Variants in NFIB observed in about 807,000 individuals in gnomAD.
NFIB encodes nuclear factor I B.
In NFIB, 11 loss-of-function variants were observed where a neutral mutation model predicts 61.5. That is an observed-to-expected ratio of 0.18 (90% CI 0.11 to 0.30). NFIB has a LOEUF of 0.30. NFIB is among the 10% of genes least tolerant of loss of function. The pLI, the probability that NFIB is intolerant of heterozygous loss-of-function variation, is 1.00. For missense variants in NFIB, 471 were observed against 608.9 expected, an observed-to-expected ratio of 0.77 and a Z score of 2.38; for synonymous variants, 260 against 216.5, an observed-to-expected ratio of 1.20 and a Z score of -1.76.
At chr9:14,225,078 C>T (rs775604298) in intron 2 of NFIB, among the ~76,000 whole-genome samples, 1 of 152,194 alleles carries the variant, frequency 6.6e-6, no homozygotes, top group East Asian at 1.9e-4. Flanking sequence ...CTCTGCATTT[C>T]CCCACCTCCC....
At chr9:14,401,212 C>T (rs1422987567), upstream of NFIB, among the ~76,000 whole-genome samples, 2 of 152,318 alleles carry the variant, frequency 1.3e-5, no homozygotes, top group East Asian at 3.9e-4. Flanking sequence ...CAATAGCTTT[C>T]AGCAGTACCA....
chr9:14,278,344 G>T (rs192347695), intron 2 of NFIB, among the ~76,000 whole-genome samples: 2 of 152,208 alleles, frequency 1.3e-5, no homozygotes, highest in Non-Finnish European at 2.9e-5. Context: ...TAATTGAGTC[G>T]TGCGAAGCTA....
chr9:14,323,055 G>T (rs535939456), intron 1 of NFIB, among the ~76,000 whole-genome samples: 1 of 152,376 alleles, frequency 6.6e-6, no homozygotes, highest in South Asian at 2.1e-4. Flanking sequence ...TTCCCGCCAC[G>T]TTGCTGGCTT....
rs568505932 is a variant in NFIB at position 14,179,934 on chromosome 9, T to A, written c.563-154A>T. Among the ~76,000 whole-genome samples, 3 of 152,340 alleles carry A rather than the reference T, an allele frequency of 2.0e-5. No individual in the cohort carries two copies. The East Asian group carries it at 5.8e-4, about 29-fold the overall frequency. ...TCCCAAGACTTTTGATAGAAACATTTTACTCATCAAACTACATGAATGCAT... is the reference window on the plus strand; with the variant it reads ...TCCCAAGACTTTTGATAGAAACATTATACTCATCAAACTACATGAATGCAT... On this transcript the variant is annotated intron_variant, in intron 2 of 10. Transcript: ENST00000380953.
intron 2 of NFIB, chr9:14,180,533 A>C (rs1270951332): frequency 6.6e-6 from 1 of 152,262 alleles, no homozygotes; most frequent in Non-Finnish European, 1.5e-5. Context: ...CGTGGAAGAC[A>C]TACAACTGTT....
chr9:14,412,806 G>A, the NFIB span, among the ~76,000 whole-genome samples: 2 of 152,178 alleles, frequency 1.3e-5, no homozygotes, highest in Admixed American at 6.5e-5. Context: ...AAAAGTAGGG[G>A]TGGGGTATGG....
At chr9:14,137,230 G>C (rs1199967574) in intron 6 of NFIB, among the ~76,000 whole-genome samples, 1 of 152,286 alleles carries the variant, frequency 6.6e-6, no homozygotes, top group East Asian at 1.9e-4. Flanking sequence ...ACAAGGTTCT[G>C]TTATAATAAC....
intron 6 of NFIB, among the ~76,000 whole-genome samples, chr9:14,134,916 A>AAAAAAAAG: frequency 6.6e-6 from 1 of 151,156 alleles, no homozygotes; most frequent in East Asian, 1.9e-4. Context: ...AAAAAAAAAA[A>AAAAAAAAG]AAAAGGAAAT....
intron 2 of NFIB, among the ~76,000 whole-genome samples, chr9:14,279,489 T>C (rs939436869): frequency 6.6e-6 from 1 of 152,098 alleles, no homozygotes; most frequent in Admixed American, 6.5e-5. Flanking sequence ...ATCAGACTGC[T>C]CCATAGAGAA....
At chr9:14,184,242 T>C (rs1390592634) in intron 2 of NFIB, among the ~76,000 whole-genome samples, 1 of 152,198 alleles carries the variant, frequency 6.6e-6, no homozygotes, top group African/African-American at 2.4e-5. Context: ...TCAGACACAA[T>C]ACTTCTTGAA....
At chr9:14,417,417 T>G in the NFIB span, among the ~76,000 whole-genome samples, 4 of 152,196 alleles carry the variant, frequency 2.6e-5, no homozygotes, top group Admixed American at 1.3e-4. Flanking sequence ...CACACGATAA[T>G]GAAATTGCCT....
At chr9:14,335,464 G>A (rs939190786) in intron 1 of NFIB, among the ~76,000 whole-genome samples, 3 of 152,138 alleles carry the variant, frequency 2.0e-5, no homozygotes, top group African/African-American at 7.2e-5. Context: ...CTCTTTATGT[G>A]CTTACTTGCC....
the NFIB span, among the ~76,000 whole-genome samples, chr9:14,430,151 G>C: frequency 2.0e-5 from 3 of 152,188 alleles, no homozygotes; most frequent in African/African-American, 7.2e-5. Context: ...TTTAGGTAAA[G>C]CCATAAGCTT....
chr9:14,421,388 G>T, the NFIB span, among the ~76,000 whole-genome samples: 2 of 152,170 alleles, frequency 1.3e-5, no homozygotes, highest in African/African-American at 4.8e-5. Flanking sequence ...AGGGCTAAAA[G>T]CCCTAAGATC....
chr9:14,376,583 C>T lies in NFIB; in HGVS notation c.108+21941G>A, dbSNP rs190149176. On this transcript the variant is annotated intron_variant, in intron 1 of 8. Transcript: ENST00000380934. ...TCAGGGTGGAGTGCAGTGGCATGAT[C>T]TCTGCTCATTGCAACCTCCGCCTCC... Among the ~76,000 whole-genome samples the T allele has an allele frequency of 1.0e-3, 150 of 148,524 alleles. 2 individuals carry two copies. The highest frequency in any genetic ancestry group is 9.1e-3 in the Admixed American group (135 of 14,800).
chr9:14,231,083 G>A (rs1271669312), intron 2 of NFIB, among the ~76,000 whole-genome samples: 7 of 134,872 alleles, frequency 5.2e-5, no homozygotes, highest in African/African-American at 2.0e-4. Flanking sequence ...AATACAACAG[G>A]GATATCTGAG....
chr9:14,402,438 T>G (rs1381967967), upstream of NFIB, among the ~76,000 whole-genome samples: 3 of 152,216 alleles, frequency 2.0e-5, no homozygotes, highest in Non-Finnish European at 4.4e-5. Context: ...GAAGTAAAGG[T>G]CCTTTTTTTA....
At chr9:14,265,972 T>C (rs2057167334) in intron 2 of NFIB, among the ~76,000 whole-genome samples, 1 of 152,126 alleles carries the variant, frequency 6.6e-6, no homozygotes, top group African/African-American at 2.4e-5. Context: ...CCCTGAAGAA[T>C]GAATCAGAAC....
At chr9:14,456,724 G>C in the NFIB span, among the ~76,000 whole-genome samples, 4 of 152,142 alleles carry the variant, frequency 2.6e-5, no homozygotes, top group Admixed American at 2.6e-4. Context: ...TTGGCAAATG[G>C]AAGCACTTCC....
Sources: gnomAD v4.1 joint callset for allele counts (sites outside exome capture counted in the v4.1 genomes callset) on GRCh38, gnomAD v4.1.1 for gene constraint, MANE v1.5 for transcripts, NCBI Gene and HGNC (gene_info 2026-07-23, HGNC 2026-07-21) for gene names.